The following CTNND2 variants were observed in gnomAD, a reference collection of about 807,000 sequenced individuals.
The protein encoded by CTNND2 is catenin delta-2.
Under a neutral mutation model 144.4 loss-of-function variants are expected in CTNND2, and 22 were observed. The ratio of observed to expected loss-of-function variants is 0.15; its 90% CI spans 0.11 to 0.22. CTNND2 has a LOEUF of 0.22. Among genes scored for constraint, CTNND2 ranks in the 10% least tolerant of loss-of-function variants. The pLI is 1.00. For synonymous variants in CTNND2, 751 were observed against 695.6 expected (o/e 1.08, Z -1.25); for missense variants, 1,353 against 1,618.8 (o/e 0.84, Z 2.82).
At chr5:11,575,563 T>C (rs1241755968) in intron 2 of CTNND2, among the ~76,000 whole-genome samples, 1 of 152,188 alleles carries the variant, frequency 6.6e-6, no homozygotes, top group African/African-American at 2.4e-5. Context: ...AATATTTGAG[T>C]GACAAAGTAT....
chr5:11,383,327 G>T (rs563481671), intron 7 of CTNND2, among the ~76,000 whole-genome samples: 79 of 152,196 alleles, frequency 5.2e-4, no homozygotes, highest in Non-Finnish European at 8.5e-4. Flanking sequence ...ACATGATCTG[G>T]TAACTTATTT....
At chr5:11,084,114 G>A (rs1580237964) in intron 15 of CTNND2, among the ~76,000 whole-genome samples, 1 of 152,252 alleles carries the variant, frequency 6.6e-6, no homozygotes, top group Non-Finnish European at 1.5e-5. Flanking sequence ...GTAGGGAGCA[G>A]GTAAAGCTCA....
At chr5:11,470,981 T>TATATA (rs58435800) in intron 3 of CTNND2, among the ~76,000 whole-genome samples, 964 of 63,898 alleles carry the variant, frequency 0.015, 7 homozygotes, top group Non-Finnish European at 0.02. Flanking sequence ...TATATATATA[T>TATATA]TTTTTTTTTT....
In CTNND2 at chr5:11,900,028, T is replaced by C. The variant is rs142490127; in HGVS notation, c.37+3789A>G. On this transcript the variant is annotated intron_variant, in intron 1 of 21. Coordinates refer to ENST00000304623, the MANE Select transcript of CTNND2 (RefSeq NM_001332.4). ...TATAACGTGTTTGTGTGTGTGTGTATGTGTAACTTTATTACAAAATATTGT... is the reference window on the plus strand; with the variant it reads ...TATAACGTGTTTGTGTGTGTGTGTACGTGTAACTTTATTACAAAATATTGT... Among the ~76,000 whole-genome samples, 7 of 152,338 alleles carry C rather than the reference T, an allele frequency of 4.6e-5. No individual in the cohort carries two copies. In the East Asian group the frequency reaches 1.2e-3, roughly 25 times the overall value.
chr5:11,403,868 T>C (rs986849712), intron 5 of CTNND2, among the ~76,000 whole-genome samples: 1 of 152,212 alleles, frequency 6.6e-6, no homozygotes, highest in Non-Finnish European at 1.5e-5. Flanking sequence ...CATCACACAT[T>C]TGCCCCCCGT....
At chr5:11,017,646 G>C (rs1218401027) in intron 18 of CTNND2, among the ~76,000 whole-genome samples, 1 of 145,832 alleles carries the variant, frequency 6.9e-6, no homozygotes, top group Non-Finnish European at 1.5e-5. Context: ...GTTAACATTT[G>C]TTGATTTTTT....
chr5:11,411,405 T>C, intron 5 of CTNND2, 131 bp downstream of exon 5: 1 of 631,982 alleles, frequency 1.6e-6, no homozygotes, highest in Non-Finnish European at 2.8e-6. Context: ...CGGAGTGAAA[T>C]GGATAAAACA....
chr5:11,503,150 G>T (rs1039450615), intron 3 of CTNND2, among the ~76,000 whole-genome samples: 3 of 152,150 alleles, frequency 2.0e-5, no homozygotes, highest in Non-Finnish European at 2.9e-5. Flanking sequence ...CACATCTTCA[G>T]ATTGCATCTA....
chr5:11,855,688 C>G (rs1795219278), intron 1 of CTNND2, among the ~76,000 whole-genome samples: 1 of 152,164 alleles, frequency 6.6e-6, no homozygotes, highest in African/African-American at 2.4e-5. Context: ...TCTGGTCACC[C>G]TGCATAGAGG....
At chr5:11,394,972 G>A (rs968575546) in intron 6 of CTNND2, among the ~76,000 whole-genome samples, 1 of 152,118 alleles carries the variant, frequency 6.6e-6, no homozygotes, top group African/African-American at 2.4e-5. Flanking sequence ...ACATCTGTTA[G>A]CCATCGTTTG....
chr5:11,704,553 G>T (rs922178965), intron 2 of CTNND2, among the ~76,000 whole-genome samples: 2 of 152,108 alleles, frequency 1.3e-5, no homozygotes, highest in Admixed American at 1.3e-4. Flanking sequence ...GTTTCCAGAG[G>T]ATGTTCTAGC....
chr5:11,408,823 C>T (rs1018836839), intron 5 of CTNND2, among the ~76,000 whole-genome samples: 24 of 152,146 alleles, frequency 1.6e-4, no homozygotes, highest in African/African-American at 5.3e-4. Context: ...CAGAGTTTCT[C>T]AACTAAGAAA....
intron 10 of CTNND2, among the ~76,000 whole-genome samples, chr5:11,208,156 T>C (rs1738246685): frequency 1.3e-5 from 2 of 152,126 alleles, no homozygotes; most frequent in Non-Finnish European, 2.9e-5. Context: ...ATGTTATGAA[T>C]TGGGAAATTT....
chr5:11,537,657 T>C (rs540481927), intron 3 of CTNND2, among the ~76,000 whole-genome samples: 2 of 152,208 alleles, frequency 1.3e-5, no homozygotes, highest in Admixed American at 6.5e-5. Context: ...CACACTTAGG[T>C]TGGGGAGTTG....
At chr5:11,195,745 G>A (rs61751798) in intron 11 of CTNND2, among the ~76,000 whole-genome samples, 2,188 of 152,180 alleles carry the variant, frequency 0.014, 49 homozygotes, top group Admixed American at 0.049. Context: ...TCTTTAGTTG[G>A]GCATACTCAA....
At chr5:11,466,882 C>T (rs1254550491) in intron 3 of CTNND2, among the ~76,000 whole-genome samples, 1 of 152,206 alleles carries the variant, frequency 6.6e-6, no homozygotes, top group African/African-American at 2.4e-5. Flanking sequence ...CCCACACATG[C>T]GTGTACTGCA....
chr5:11,167,813 T>C (rs1451196408), intron 11 of CTNND2, among the ~76,000 whole-genome samples: 3 of 149,780 alleles, frequency 2.0e-5, no homozygotes, highest in African/African-American at 7.4e-5. Flanking sequence ...CAAGTGATCC[T>C]CCCACCTCCG....
chr5:11,177,955 T>C (rs991807169), intron 11 of CTNND2, among the ~76,000 whole-genome samples: 2 of 152,180 alleles, frequency 1.3e-5, no homozygotes, highest in African/African-American at 4.8e-5. Context: ...GAGGAATGTA[T>C]ATAAGATGAT....
At chr5:11,483,186 G>C (rs1056483917) in intron 3 of CTNND2, among the ~76,000 whole-genome samples, 33 of 152,172 alleles carry the variant, frequency 2.2e-4, no homozygotes, top group Non-Finnish European at 4.0e-4. Flanking sequence ...AGCCAATGGG[G>C]TGGATGAATT....
Sources: gnomAD v4.1 joint callset for allele counts (sites outside exome capture counted in the v4.1 genomes callset) on GRCh38, gnomAD v4.1.1 for gene constraint, MANE v1.5 for transcripts, NCBI Gene and HGNC (gene_info 2026-07-23, HGNC 2026-07-21) for gene names.